PKDCC: variants seen among roughly 807,000 people sequenced by gnomAD.
The protein encoded by PKDCC is protein kinase domain containing, cytoplasmic, also known as extracellular tyrosine-protein kinase PKDCC.
In PKDCC, 35 loss-of-function variants were observed where a neutral mutation model predicts 44.7. That is an observed-to-expected ratio of 0.78 (90% confidence interval 0.60 to 1.04). The LOEUF (loss-of-function observed/expected upper bound fraction) is 1.04, where lower values mean the gene tolerates loss of function less well. PKDCC is among the 50% of genes least tolerant of loss of function. The pLI is 0.00. For synonymous variants in PKDCC, 353 were observed against 303.3 expected (o/e 1.16, Z -1.70); for missense variants, 738 against 672.7 (o/e 1.10, Z -1.07).
At chr2:42,049,864 A>G in intron 1 of PKDCC, among the ~76,000 whole-genome samples, 1 of 152,170 alleles carries the variant, frequency 6.6e-6, no homozygotes, top group East Asian at 1.9e-4. Flanking sequence ...TGGCCCGGTG[A>G]ACATGGGTGT....
In PKDCC at chr2:42,057,254, A is replaced by G; in HGVS notation, c.1256A>G (p.Gln419Arg). The change falls in exon 6 of 7, where the codon CAG becomes CGG. Residue 419 changes from glutamine (Q) to arginine (R), a missense_variant. Physicochemically the swap from Gln to Arg is conservative, Grantham distance 43 (BLOSUM62 1). Coordinates refer to ENST00000294964, the MANE Select transcript of PKDCC (RefSeq NM_138370.3). ...TGTATCCCAGACAGCACCATCCCCC[A>G]GGAAGACTACCGCTGCTGGCCATCC... Reference protein sequence around the residue: ...YQCIPDSTIPQEDYRCWPSYH... With the variant: ...YQCIPDSTIPREDYRCWPSYH... The G allele has an allele frequency of 6.2e-7, 1 of 1,614,176 alleles. No individual in the cohort carries two copies. Among genetic ancestry groups the G allele is most frequent in the Non-Finnish European group, 8.5e-7 (1 of 1,180,018 alleles).
Position 42,048,274 on chromosome 2 carries a change from CTT to C in PKDCC, c.76_77del (p.Phe26ArgfsTer14). On this transcript the variant is annotated frameshift_variant, in exon 1 of 7. Coordinates refer to ENST00000294964, the MANE Select transcript of PKDCC (RefSeq NM_138370.3). LOFTEE classifies it high-confidence loss of function. The surrounding 1 kb of genome is among the most constrained non-coding windows in gnomAD (Gnocchi z 6.2). ...FLLGSVLNVLFAPGSEPPRPG... is the reference protein window; with the variant it reads ...FLLGSVLNVLXAPGSEPPRPG... ...TGCTGGGCTCCGTCCTCAACGTGCT[CTT>C]CGCTCCGGGCTCGGAGCCTCCGAGG... is the stretch of plus-strand genomic sequence containing the variant. 7.8e-7 allele frequency: 1 copy of C among 1,279,634 alleles called. No individual in the cohort carries two copies. Among genetic ancestry groups the C allele is most frequent in the Non-Finnish European group, 9.9e-7 (1 of 1,006,274 alleles). 79.3% of individuals were successfully genotyped at this position (1,279,634 alleles called of 1,614,324 possible).
In PKDCC at chr2:42,055,394, G is replaced by T; in HGVS notation, c.1222+1G>T. The T allele has an allele frequency of 1.2e-6, 2 of 1,612,816 alleles. No individual in the cohort carries two copies. Among genetic ancestry groups the T allele is most frequent in the Non-Finnish European group, 1.7e-6 (2 of 1,179,588 alleles). ...AACTCCACGGCAAGCAGCAGTACCG[G>T]TGAGTGGCCCCAAGCTGATCCACAG... On this transcript the variant is annotated splice_donor_variant, in intron 5 of 6. Transcript: ENST00000294964. LOFTEE classifies it high-confidence loss of function. The surrounding 1 kb of genome is among the most constrained non-coding windows in gnomAD (Gnocchi z 4.5).
At position 42,048,182 on chromosome 2, in the gene PKDCC, G is replaced by C; in HGVS notation, c.-18G>C. On this transcript the variant is annotated 5_prime_UTR_variant, in exon 1 of 7. Transcript: ENST00000294964. The surrounding 1 kb of genome is among the most constrained non-coding windows in gnomAD (Gnocchi z 6.2). Reference sequence around the variant, plus strand: ...CCGGGGAGCCGCGCGGGGCCGGCCGGCCGGGGGGAGGGGAGCGATGCGGCG... The same window carrying C: ...CCGGGGAGCCGCGCGGGGCCGGCCGCCCGGGGGGAGGGGAGCGATGCGGCG... 8 of 1,098,236 alleles carry C rather than the reference G, an allele frequency of 7.3e-6. No homozygotes were observed. The highest frequency in any genetic ancestry group is 8.8e-6 in the Non-Finnish European group (8 of 906,594). 68.0% of individuals were successfully genotyped at this position (1,098,236 alleles called of 1,614,324 possible).
At position 42,055,019 on chromosome 2, in the gene PKDCC, AG is replaced by A; in HGVS notation, c.1114+1del. 2 of 1,613,432 alleles carry A rather than the reference AG, an allele frequency of 1.2e-6. No individual in the cohort carries two copies. Among genetic ancestry groups the A allele is most frequent in the Non-Finnish European group, 8.5e-7 (1 of 1,179,410 alleles). The stretch of plus-strand genomic sequence containing the variant: ...TGCTGGACAGCATCGTCAACGCCAC[AG>A]GTGAGCTCTCCAGGGCCCATCTGCT... ...PLLDSIVNAT[G>X]ELAWGVDETL... is the part of the protein sequence containing the mutation. On this transcript the variant is annotated frameshift_variant and splice_region_variant, in exon 4 of 7. Transcript: ENST00000294964. LOFTEE classifies it high-confidence loss of function. This position sits in a 1 kb window ranked among gnomAD's most constrained non-coding sequence, Gnocchi z 4.5.
chr2:42,048,477 G>A lies in PKDCC; in HGVS notation c.278G>A (p.Gly93Asp). 15 of 1,045,874 alleles carry A rather than the reference G, an allele frequency of 1.4e-5. No individual in the cohort carries two copies. The highest frequency in any genetic ancestry group is 1.7e-5 in the African/African-American group (1 of 57,978). The allele number at this position is 1,045,874 out of a possible 1,614,324, so 64.8% of individuals were successfully genotyped here. A position where few individuals can be genotyped will look rare whatever the true frequency, so the allele number is the denominator to read the frequency against. ...CGGCGCCTGATGGACCTGGCTCCGGGCGGGCCCGGCCTGCCGCGCCCCCGG... is the reference window on the plus strand; with the variant it reads ...CGGCGCCTGATGGACCTGGCTCCGGACGGGCCCGGCCTGCCGCGCCCCCGG... ...ERRRLMDLAPGGPGLPRPRPP... is the reference protein window; with the variant it reads ...ERRRLMDLAPDGPGLPRPRPP... The change falls in exon 1 of 7, where the codon GGC becomes GAC. Residue 93 changes from glycine (G) to aspartate (D), a missense_variant. By Grantham distance (94) the Gly-to-Asp change is moderately conservative. Transcript: ENST00000294964. The surrounding 1 kb of genome is among the most constrained non-coding windows in gnomAD (Gnocchi z 6.2).
chr2:42,055,111 G>A lies in PKDCC; in HGVS notation c.1114+91G>A. 1 of 1,439,508 alleles carries A rather than the reference G, an allele frequency of 6.9e-7. No homozygotes were observed. The highest frequency in any genetic ancestry group is 1.7e-5 in the Admixed American group (1 of 58,436). 89.2% of individuals were successfully genotyped at this position (1,439,508 alleles called of 1,614,324 possible). A position where few individuals can be genotyped will look rare whatever the true frequency, so the allele number is the denominator to read the frequency against. On this transcript the variant is annotated intron_variant, in intron 4 of 6. Transcript: ENST00000294964. The surrounding 1 kb of genome is among the most constrained non-coding windows in gnomAD (Gnocchi z 4.5). ...GGAGAAAAATAACCCAGGGCAGCAG[G>A]GGTTCTAGAAACCATCACTTCCTAA...
At chr2:42,049,623 T>G (rs1667934343) in intron 1 of PKDCC, among the ~76,000 whole-genome samples, 1 of 152,028 alleles carries the variant, frequency 6.6e-6, no homozygotes, top group African/African-American at 2.4e-5. Context: ...GGCCAAATGC[T>G]CAGGTTCCTA....
At position 42,052,530 on chromosome 2, in the gene PKDCC, C is replaced by T. The variant is rs1558431738; in HGVS notation, c.640-709C>T. ...TTGGGAGGCCAAGGTAGGCAGATCA[C>T]TTGAGGTCGGCAGTTTGAGACCAGC... On this transcript the variant is annotated intron_variant, in intron 1 of 6. Coordinates refer to ENST00000294964, the MANE Select transcript of PKDCC (RefSeq NM_138370.3). The surrounding 1 kb of genome is among the most constrained non-coding windows in gnomAD (Gnocchi z 4.3). Among the ~76,000 whole-genome samples, 1 of 152,178 alleles carries T rather than the reference C, an allele frequency of 6.6e-6. No homozygotes were observed. Among genetic ancestry groups the T allele is most frequent in the Non-Finnish European group, 1.5e-5 (1 of 68,032 alleles).
Position 42,054,658 on chromosome 2 carries a change from C to T in PKDCC, c.1035-283C>T, listed in dbSNP as rs941279448. On this transcript the variant is annotated intron_variant, in intron 3 of 6. Transcript: ENST00000294964. The surrounding 1 kb of genome is among the most constrained non-coding windows in gnomAD (Gnocchi z 6.1). ...CCCAGCCATGGGGCTGCTCCGACAC[C>T]GGGAGTCAGTCAGGGGATAATGTGG... is the stretch of plus-strand genomic sequence containing the variant. 2.9e-5 allele frequency: 16 copies of T among 548,696 alleles called. No individual in the cohort carries two copies. Among genetic ancestry groups the T allele is most frequent in the Non-Finnish European group, 3.2e-6 (1 of 308,662 alleles). 34.0% of individuals were successfully genotyped at this position (548,696 alleles called of 1,614,324 possible).
At position 42,055,094 on chromosome 2, in the gene PKDCC, A is replaced by G. The variant is rs1020467712; in HGVS notation, c.1114+74A>G. On this transcript the variant is annotated intron_variant, in intron 4 of 6. Coordinates refer to ENST00000294964, the MANE Select transcript of PKDCC (RefSeq NM_138370.3). The surrounding 1 kb of genome is among the most constrained non-coding windows in gnomAD (Gnocchi z 4.5). ...CCCGCCAGCAAAAGTGGGGAGAAAA[A>G]TAACCCAGGGCAGCAGGGGTTCTAG... The G allele has an allele frequency of 8.6e-6, 13 of 1,505,088 alleles. No homozygotes were observed. The African/African-American group carries it at 1.5e-4, about 18-fold the overall frequency. 93.2% of individuals were successfully genotyped at this position (1,505,088 alleles called of 1,614,324 possible). A position where few individuals can be genotyped will look rare whatever the true frequency, so the allele number is the denominator to read the frequency against.
rs201891287 is a variant in PKDCC, at chr2:42,053,348, A to C, written c.749A>C (p.Glu250Ala). ...EMIQLLQTSW[E>A]DRFRICLSLG... ...ATCCAGCTGCTGCAAACTTCCTGGGAGGATCGATTCCGAGTGAGCTCAGAG... is the reference window on the plus strand; with the variant it reads ...ATCCAGCTGCTGCAAACTTCCTGGGCGGATCGATTCCGAGTGAGCTCAGAG... The change falls in exon 2 of 7, where the codon GAG becomes GCG. Residue 250 changes from glutamate (E) to alanine (A), a missense_variant. Glu to Ala is a moderately radical substitution (Grantham distance 107). Transcript: ENST00000294964. 11 of 1,612,830 alleles carry C rather than the reference A, an allele frequency of 6.8e-6. No homozygotes were observed. The Admixed American group carries it at 1.8e-4, about 27-fold the overall frequency.
rs1425744088 is a variant in PKDCC at position 42,054,259 on chromosome 2, G to A, written c.986G>A (p.Gly329Asp). ...RNFTLPCSAQ[G>D]WCEGMNEKRN... ...TTCACCCTGCCCTGCTCAGCCCAGG[G>A]CTGGTGCGAGGGCATGAACGAGAAG... Residue 329 changes from glycine to aspartate, a missense_variant, in exon 3 of 7, where the codon GGC becomes GAC. Coordinates refer to ENST00000294964, the MANE Select transcript of PKDCC (RefSeq NM_138370.3). The surrounding 1 kb of genome is among the most constrained non-coding windows in gnomAD (Gnocchi z 6.1). 6.2e-7 allele frequency: 1 copy of A among 1,606,160 alleles called. No individual in the cohort carries two copies. Among genetic ancestry groups the A allele is most frequent in the South Asian group, 1.1e-5 (1 of 89,792 alleles).
In PKDCC at chr2:42,057,786, GAA is replaced by G; in HGVS notation, c.*99_*100del. On this transcript the variant is annotated 3_prime_UTR_variant, in exon 7 of 7. Transcript: ENST00000294964. ...ACTGGCAGCACTGCATGTCACCTGGGAACCCCTGCAGACAAAGCTAACATCCC... is the reference window on the plus strand; with the variant it reads ...ACTGGCAGCACTGCATGTCACCTGGGCCCCTGCAGACAAAGCTAACATCCC... 5 of 1,016,644 alleles carry G rather than the reference GAA, an allele frequency of 4.9e-6. No individual in the cohort carries two copies. Among genetic ancestry groups the G allele is most frequent in the Non-Finnish European group, 7.4e-6 (5 of 675,964 alleles). The allele number at this position is 1,016,644 out of a possible 1,614,324, so 63.0% of individuals were successfully genotyped here. A position where few individuals can be genotyped will look rare whatever the true frequency, so the allele number is the denominator to read the frequency against.
chr2:42,053,651 C>T, intron 2 of PKDCC: 1 of 521,442 alleles, frequency 1.9e-6, no homozygotes, highest in Non-Finnish European at 3.4e-6. Flanking sequence ...TCACACTCAG[C>T]CTGACTGCAG....
In PKDCC at chr2:42,048,388, C is replaced by T. The variant is rs1450915214; in HGVS notation, c.189C>T (p.Arg63=). 1.7e-6 allele frequency: 2 copies of T among 1,158,906 alleles called. No homozygotes were observed. Among genetic ancestry groups the T allele is most frequent in the African/African-American group, 1.7e-5 (1 of 60,470 alleles). 71.8% of individuals were successfully genotyped at this position (1,158,906 alleles called of 1,614,324 possible). Residue 63 remains arginine, a synonymous_variant, in exon 1 of 7, where the codon CGC becomes CGT. Coordinates refer to ENST00000294964, the MANE Select transcript of PKDCC (RefSeq NM_138370.3). This position sits in a 1 kb window ranked among gnomAD's most constrained non-coding sequence, Gnocchi z 6.2. The part of the protein sequence containing the change: ...RGELARQIRA[R]YEEVQRYSRG... The stretch of plus-strand genomic sequence containing the variant: ...AGCTGGCCCGGCAGATCCGGGCGCG[C>T]TACGAGGAGGTGCAGCGCTATTCCC...
rs925306263 is a variant in PKDCC at position 42,055,496 on chromosome 2, T to C, written c.1222+103T>C. ...TGGCTCACCCTTTCTCTGGGGACCC[T>C]TGTCTCCAAAGGCCACTGTAGGGGC... On this transcript the variant is annotated intron_variant, in intron 5 of 6. Transcript: ENST00000294964. The surrounding 1 kb of genome is among the most constrained non-coding windows in gnomAD (Gnocchi z 4.5). 8.1e-6 allele frequency: 8 copies of C among 988,528 alleles called. No homozygotes were observed. Among genetic ancestry groups the C allele is most frequent in the Non-Finnish European group, 1.2e-5 (8 of 656,752 alleles). The allele number at this position is 988,528 out of a possible 1,614,324, so 61.2% of individuals were successfully genotyped here. A position where few individuals can be genotyped will look rare whatever the true frequency, so the allele number is the denominator to read the frequency against.
chr2:42,048,278 G>A lies in PKDCC; in HGVS notation c.79G>A (p.Ala27Thr). The change falls in exon 1 of 7, where the codon GCT becomes ACT. Residue 27 changes from alanine (A) to threonine (T), a missense_variant. Physicochemically the swap from Ala to Thr is moderately conservative, Grantham distance 58. Coordinates refer to ENST00000294964, the MANE Select transcript of PKDCC (RefSeq NM_138370.3). The surrounding 1 kb of genome is among the most constrained non-coding windows in gnomAD (Gnocchi z 6.2). ...LLGSVLNVLF[A>T]PGSEPPRPGQ... ...GGGCTCCGTCCTCAACGTGCTCTTC[G>A]CTCCGGGCTCGGAGCCTCCGAGGCC... is the stretch of plus-strand genomic sequence containing the variant. 1 of 1,275,568 alleles carries A rather than the reference G, an allele frequency of 7.8e-7. No individual in the cohort carries two copies. 79.0% of individuals were successfully genotyped at this position (1,275,568 alleles called of 1,614,324 possible).
rs1188365180 is a variant in PKDCC at position 42,052,841 on chromosome 2, G to A, written c.640-398G>A. Among the ~76,000 whole-genome samples the A allele has an allele frequency of 6.6e-6, 1 of 152,070 alleles. No homozygotes were observed. The highest frequency in any genetic ancestry group is 1.5e-5 in the Non-Finnish European group (1 of 68,032). ...AGGCTCCTACATTGATCAGCTGTGC[G>A]ACCTTATGCAAGCAACTTAACCTCT... On this transcript the variant is annotated intron_variant, in intron 1 of 6. Coordinates refer to ENST00000294964, the MANE Select transcript of PKDCC (RefSeq NM_138370.3). The surrounding 1 kb of genome is among the most constrained non-coding windows in gnomAD (Gnocchi z 4.3).
Sources: gnomAD v4.1 joint callset for allele counts (sites outside exome capture counted in the v4.1 genomes callset) on GRCh38, gnomAD v4.1.1 for gene constraint, Gnocchi (gnomAD v3.1) non-coding constraint, MANE v1.5 for transcripts, NCBI Gene and HGNC (gene_info 2026-07-23, HGNC 2026-07-21) for gene names.